Variants in THNSL1 observed in about 807,000 individuals in gnomAD.
The protein encoded by THNSL1 is threonine synthase-like 1.
In THNSL1, 48 loss-of-function variants were observed where a neutral mutation model predicts 50.4. The ratio of observed to expected loss-of-function variants is 0.95; its 90% confidence interval spans 0.76 to 1.21. The LOEUF (loss-of-function observed/expected upper bound fraction) is 1.21, where lower values mean the gene tolerates loss of function less well. Ranked by LOEUF, THNSL1 falls within the 50% of genes most tolerant of loss-of-function variation. The pLI is 0.00. For missense variants in THNSL1, 896 were observed against 871.7 expected (o/e 1.03, Z -0.35); for synonymous variants, 309 against 306.1 (o/e 1.01, Z -0.10).
chr10:25,024,878 G>A lies in THNSL1; in HGVS notation c.1655G>A (p.Arg552Lys). 2.5e-6 allele frequency: 4 copies of A among 1,613,906 alleles called. No homozygotes were observed. Among genetic ancestry groups the A allele is most frequent in the Non-Finnish European group, 3.4e-6 (4 of 1,180,006 alleles). The stretch of plus-strand genomic sequence containing the variant: ...ATAAAAACAGGACATTATGATCTAA[G>A]GGAAAGAAAACTAGCACAAACCTTT... The part of the protein sequence containing the change: ...DFIKTGHYDL[R>K]ERKLAQTFSP... The change falls in exon 3 of 3, where the codon AGG (arginine) becomes AAG (lysine). Residue 552 changes from arginine to lysine, a missense_variant. Transcript: ENST00000376356.
the THNSL1 span, chr10:24,984,555 A>C: frequency 9.5e-5 from 101 of 1,065,956 alleles, no homozygotes; most frequent in Admixed American, 9.1e-5. Flanking sequence ...GTAAAAACAA[A>C]ATTTCTTCTT....
chr10:24,974,422 T>G, the THNSL1 span, among the ~76,000 whole-genome samples: 1 of 152,192 alleles, frequency 6.6e-6, no homozygotes, highest in South Asian at 2.1e-4. Flanking sequence ...TCACTATACT[T>G]TAATTGTATT....
Position 25,023,196 on chromosome 10 carries a change from T to C in THNSL1, c.-28T>C, listed in dbSNP as rs568764517. 5.1e-6 allele frequency: 8 copies of C among 1,572,252 alleles called. No individual in the cohort carries two copies. The South Asian group carries it at 9.5e-5, about 19-fold the overall frequency. On this transcript the variant is annotated 5_prime_UTR_variant, in exon 3 of 3. Coordinates refer to ENST00000376356, the MANE Select transcript of THNSL1 (RefSeq NM_024838.5). ...AAAAGGGCTAAAGCCAATTTTTAGG[T>C]TGGCTTGGGCAGAAAAGTGAAAAGA...
At chr10:24,984,473 A>G in the THNSL1 span, 1 of 1,365,688 alleles carries the variant, frequency 7.3e-7, no homozygotes, top group Non-Finnish European at 9.9e-7. Flanking sequence ...ACATAATAAT[A>G]ATGAATTACA....
the THNSL1 span, among the ~76,000 whole-genome samples, chr10:24,961,878 G>A: frequency 6.6e-6 from 1 of 152,152 alleles, no homozygotes; most frequent in African/African-American, 2.4e-5. Context: ...TTTTGACCGT[G>A]AGCAAGTTTC....
chr10:25,023,065 T>G (rs1293116293), intron 2 of THNSL1, 111 bp from the exon 3 acceptor site: 2 of 704,904 alleles, frequency 2.8e-6, no homozygotes, highest in Non-Finnish European at 4.6e-6. Flanking sequence ...TTAAACAGTT[T>G]ATGTACCATG....
chr10:24,995,862 G>T, the THNSL1 span: 1 of 1,600,808 alleles, frequency 6.2e-7, no homozygotes, highest in Non-Finnish European at 8.5e-7. Context: ...TCCGATCAAA[G>T]TTTTTTTCTG....
intron 1 of THNSL1, among the ~76,000 whole-genome samples, chr10:25,018,371 C>T (rs1850651283): frequency 6.6e-6 from 1 of 152,186 alleles, no homozygotes; most frequent in Non-Finnish European, 1.5e-5. Flanking sequence ...TATATACCTA[C>T]AGGGATGAAC....
chr10:25,002,922 T>TAA, the THNSL1 span, among the ~76,000 whole-genome samples: 4,136 of 147,304 alleles, frequency 0.028, 124 homozygotes, highest in African/African-American at 0.075. Flanking sequence ...TCATTTGGGG[T>TAA]AAAAAAAAAA....
chr10:24,956,118 C>T, the THNSL1 span, among the ~76,000 whole-genome samples: 1 of 151,522 alleles, frequency 6.6e-6, no homozygotes, highest in Non-Finnish European at 1.5e-5. Context: ...TCAGACTGTC[C>T]ATTTCCTTTT....
At chr10:24,977,713 A>T in the THNSL1 span, among the ~76,000 whole-genome samples, 4 of 152,210 alleles carry the variant, frequency 2.6e-5, no homozygotes, top group African/African-American at 9.6e-5. Context: ...AAGTGAGAGG[A>T]ATATACATAT....
chr10:24,957,375 G>A, the THNSL1 span, among the ~76,000 whole-genome samples: 101 of 152,070 alleles, frequency 6.6e-4, 1 homozygote, highest in Admixed American at 2.6e-4. Context: ...ATCCTTGCCT[G>A]GACCAATGTC....
chr10:24,978,380 C>CT, the THNSL1 span, among the ~76,000 whole-genome samples: 21 of 150,742 alleles, frequency 1.4e-4, no homozygotes, highest in South Asian at 8.4e-4. Context: ...CATGTCATTC[C>CT]TTTTTTTTTA....
the THNSL1 span, among the ~76,000 whole-genome samples, chr10:24,963,949 A>G: frequency 6.6e-6 from 1 of 152,090 alleles, no homozygotes. Context: ...TGCCAACAGA[A>G]GTACCCAGGT....
At chr10:25,021,492 G>T (rs1588672911) in intron 1 of THNSL1, among the ~76,000 whole-genome samples, 1 of 151,974 alleles carries the variant, frequency 6.6e-6, no homozygotes, top group Non-Finnish European at 1.5e-5. Context: ...TTATTATTTG[G>T]TTTTTTATTG....
At chr10:24,968,306 G>A in the THNSL1 span, among the ~76,000 whole-genome samples, 38 of 152,206 alleles carry the variant, frequency 2.5e-4, no homozygotes, top group Middle Eastern at 3.4e-3. Flanking sequence ...AAGACGAAGC[G>A]TAAGCCTACC....
the THNSL1 span, among the ~76,000 whole-genome samples, chr10:24,957,022 G>GA: frequency 2.6e-5 from 4 of 152,138 alleles, no homozygotes; most frequent in Non-Finnish European, 5.9e-5. Context: ...AAAATCCGTG[G>GA]AAAAATTGTC....
the THNSL1 span, among the ~76,000 whole-genome samples, chr10:24,999,812 T>C: frequency 6.6e-6 from 1 of 152,190 alleles, no homozygotes. Context: ...TCGATAGTGA[T>C]GTCACCCCTC....
the THNSL1 span, chr10:24,995,791 C>T: frequency 2.5e-6 from 4 of 1,613,920 alleles, no homozygotes; most frequent in Non-Finnish European, 3.4e-6. Flanking sequence ...ATTTTTTCCA[C>T]TCTGTATTCC....
Sources: gnomAD v4.1 joint callset for allele counts (sites outside exome capture counted in the v4.1 genomes callset) on GRCh38, gnomAD v4.1.1 for gene constraint, MANE v1.5 for transcripts, NCBI Gene and HGNC (gene_info 2026-07-23, HGNC 2026-07-21) for gene names.